SCFD2: variants seen among roughly 807,000 people sequenced by gnomAD.
The protein encoded by SCFD2 is sec1 family domain-containing protein 2.
A neutral mutation model predicts 58.9 loss-of-function variants in SCFD2; 54 were observed. The ratio of observed to expected loss-of-function variants is 0.92; its 90% CI spans 0.74 to 1.15. The LOEUF is 1.15. SCFD2 is among the 50% of genes most tolerant of loss of function. The pLI is 0.00. For synonymous variants in SCFD2, 321 were observed against 335.9 expected (o/e 0.96, Z 0.49); for missense variants, 805 against 836.6 (o/e 0.96, Z 0.47).
rs187388751 is a variant in SCFD2, at chr4:52,898,864, T to G, written c.1842+8593A>C. On this transcript the variant is annotated intron_variant, in intron 7 of 8. Coordinates refer to ENST00000401642, the MANE Select transcript of SCFD2 (RefSeq NM_152540.4). ...GTATTGGGTGCATATATATTTAGGA[T>G]AGTTAGCACTTCTTGTTGCATTGAT... is the stretch of plus-strand genomic sequence containing the variant. Among the ~76,000 whole-genome samples the G allele has an allele frequency of 4.5e-4, 69 of 152,354 alleles. 1 individual carries two copies. Among genetic ancestry groups the G allele is most frequent in the Non-Finnish European group, 6.3e-4 (43 of 68,036 alleles).
chr4:52,936,586 C>T (rs1028561069), intron 5 of SCFD2, among the ~76,000 whole-genome samples: 2 of 152,180 alleles, frequency 1.3e-5, no homozygotes, highest in African/African-American at 2.4e-5. Flanking sequence ...TGTCTGCCAA[C>T]TCAGTTTTCA....
intron 5 of SCFD2, among the ~76,000 whole-genome samples, chr4:53,018,204 A>G (rs1242230093): frequency 2.0e-5 from 3 of 152,196 alleles, no homozygotes; most frequent in Non-Finnish European, 4.4e-5. Flanking sequence ...CATTTAATTG[A>G]TTTCTGTGAC....
intron 2 of SCFD2, among the ~76,000 whole-genome samples, chr4:53,336,893 T>C (rs1207504687): frequency 2.0e-5 from 3 of 152,116 alleles, no homozygotes; most frequent in Non-Finnish European, 4.4e-5. Context: ...GTGTGCTCAG[T>C]ATCCTTGAAG....
intron 4 of SCFD2, among the ~76,000 whole-genome samples, chr4:53,267,628 C>G (rs960708568): frequency 2.0e-5 from 3 of 152,132 alleles, no homozygotes; most frequent in African/African-American, 7.2e-5. Flanking sequence ...TGTTGCCAGG[C>G]TGGAGCGCAG....
chr4:53,363,095 G>C (rs2149175473), intron 1 of SCFD2, among the ~76,000 whole-genome samples: 2 of 151,976 alleles, frequency 1.3e-5, no homozygotes, highest in East Asian at 3.9e-4. Context: ...TGGCAACTTT[G>C]TCTTTCTATG....
chr4:53,223,493 G>T (rs1471544900), intron 4 of SCFD2, among the ~76,000 whole-genome samples: 1 of 152,150 alleles, frequency 6.6e-6, no homozygotes, highest in Non-Finnish European at 1.5e-5. Context: ...ACCCTGCCAT[G>T]TGAGATCCTG....
intron 5 of SCFD2, among the ~76,000 whole-genome samples, chr4:53,113,394 C>A (rs1000575939): frequency 2.6e-5 from 4 of 152,014 alleles, no homozygotes; most frequent in Admixed American, 1.3e-4. Context: ...TTGCCTGTGT[C>A]CTGGAGTAAG....
chr4:53,232,815 T>C (rs766787552), intron 4 of SCFD2, among the ~76,000 whole-genome samples: 1 of 152,194 alleles, frequency 6.6e-6, no homozygotes, highest in Non-Finnish European at 1.5e-5. Flanking sequence ...TAACAGGTTC[T>C]GCTCAGCACT....
chr4:53,089,763 T>C (rs1256870914), intron 5 of SCFD2, among the ~76,000 whole-genome samples: 1 of 152,214 alleles, frequency 6.6e-6, no homozygotes, highest in Non-Finnish European at 1.5e-5. Flanking sequence ...CATCTCTAGA[T>C]GTCCCGTTTG....
intron 5 of SCFD2, among the ~76,000 whole-genome samples, chr4:53,112,533 A>C (rs1047090921): frequency 1.3e-5 from 2 of 152,078 alleles, no homozygotes; most frequent in African/African-American, 4.8e-5. Flanking sequence ...AGCCCTAAAA[A>C]TTTGCATCCT....
intron 5 of SCFD2, among the ~76,000 whole-genome samples, chr4:52,926,626 G>A (rs1487205660): frequency 6.6e-6 from 1 of 152,172 alleles, no homozygotes; most frequent in Non-Finnish European, 1.5e-5. Flanking sequence ...CTGGTCAAGA[G>A]GCTATTTTCT....
chr4:53,275,273 T>C (rs76213836), intron 3 of SCFD2, among the ~76,000 whole-genome samples: 16,033 of 152,240 alleles, frequency 0.11, 937 homozygotes, highest in East Asian at 0.21. Flanking sequence ...CTTTCTATCT[T>C]TTCATTAATT....
At chr4:53,238,401 G>A (rs1729753709) in intron 4 of SCFD2, among the ~76,000 whole-genome samples, 2 of 144,386 alleles carry the variant, frequency 1.4e-5, no homozygotes, top group African/African-American at 2.6e-5. Flanking sequence ...CCTGGCGGGG[G>A]GCTGACCCCC....
At chr4:53,077,603 A>G (rs1451985477) in intron 5 of SCFD2, among the ~76,000 whole-genome samples, 1 of 151,964 alleles carries the variant, frequency 6.6e-6, no homozygotes, top group Non-Finnish European at 1.5e-5. Flanking sequence ...GCACCCAGCT[A>G]ATTTTTGTAT....
At chr4:52,891,086 G>A (rs888063550) in intron 7 of SCFD2, among the ~76,000 whole-genome samples, 8 of 152,122 alleles carry the variant, frequency 5.3e-5, no homozygotes, top group African/African-American at 1.9e-4. Flanking sequence ...GAAGCACCCA[G>A]GTTGACACTG....
At chr4:52,970,474 G>A (rs1560497370) in intron 5 of SCFD2, among the ~76,000 whole-genome samples, 1 of 152,200 alleles carries the variant, frequency 6.6e-6, no homozygotes, top group Non-Finnish European at 1.5e-5. Context: ...TCGGGGAGGG[G>A]CACCCACCAT....
intron 5 of SCFD2, among the ~76,000 whole-genome samples, chr4:53,082,865 C>T (rs1306895120): frequency 6.6e-6 from 1 of 152,148 alleles, no homozygotes; most frequent in Non-Finnish European, 1.5e-5. Context: ...CAGGTTTTAA[C>T]TAGAATTATA....
At chr4:53,362,173 G>A (rs893502898) in intron 1 of SCFD2, among the ~76,000 whole-genome samples, 2 of 152,114 alleles carry the variant, frequency 1.3e-5, no homozygotes, top group Middle Eastern at 3.2e-3. Flanking sequence ...TGAGGAGCAG[G>A]AATGATGTGA....
intron 4 of SCFD2, among the ~76,000 whole-genome samples, chr4:53,175,635 G>A (rs1727305450): frequency 6.6e-6 from 1 of 152,126 alleles, no homozygotes; most frequent in South Asian, 2.1e-4. Context: ...AAAGATCAAT[G>A]ACTAATTTAG....
Sources: gnomAD v4.1 joint callset for allele counts (sites outside exome capture counted in the v4.1 genomes callset) on GRCh38, gnomAD v4.1.1 for gene constraint, MANE v1.5 for transcripts, NCBI Gene and HGNC (gene_info 2026-07-23, HGNC 2026-07-21) for gene names.